The following SPOCK3 variants were observed in gnomAD, a reference collection of about 807,000 sequenced individuals.
SPOCK3 encodes SPARC (osteonectin), cwcv and kazal like domains proteoglycan 3.
A neutral mutation model predicts 56.6 loss-of-function variants in SPOCK3; 30 were observed. That is an observed-to-expected ratio of 0.53 (90% CI 0.40 to 0.72). SPOCK3 has a LOEUF of 0.72. Among genes scored for constraint, SPOCK3 ranks in the 30% least tolerant of loss-of-function variants. The pLI is 0.00. For missense variants in SPOCK3, 527 were observed against 530.0 expected (o/e 0.99, Z 0.06); for synonymous variants, 196 against 183.3 (o/e 1.07, Z -0.56).
rs1374429115 is a variant in SPOCK3 at position 166,898,218 on chromosome 4, TTTTC to T, written c.475-8978_475-8975del. On this transcript the variant is annotated intron_variant, in intron 5 of 10. Coordinates refer to ENST00000357545, the MANE Select transcript of SPOCK3 (RefSeq NM_001040159.2). ...CTCCCTAAAAAAGAAAAAAAAATATTTTTCATGTCTGGACAGTAGGTTTGGCTCA... is the reference window on the plus strand; with the variant it reads ...CTCCCTAAAAAAGAAAAAAAAATATTATGTCTGGACAGTAGGTTTGGCTCA... Among the ~76,000 whole-genome samples, 19 of 151,994 alleles carry T rather than the reference TTTTC, an allele frequency of 1.3e-4. 1 individual carries two copies. The highest frequency in any genetic ancestry group is 4.3e-4 in the African/African-American group (18 of 41,460).
chr4:166,878,355 A>G (rs574198930), intron 6 of SPOCK3, among the ~76,000 whole-genome samples: 1 of 152,264 alleles, frequency 6.6e-6, no homozygotes, highest in South Asian at 2.1e-4. Flanking sequence ...ACTTGTTGGC[A>G]TCTCAGAATG....
At chr4:167,057,065 C>A (rs1469039205) in intron 3 of SPOCK3, among the ~76,000 whole-genome samples, 1 of 152,076 alleles carries the variant, frequency 6.6e-6, no homozygotes, top group Non-Finnish European at 1.5e-5. Flanking sequence ...AAAGGGAAGC[C>A]CATCAGACTA....
intron 3 of SPOCK3, among the ~76,000 whole-genome samples, chr4:167,004,739 A>C (rs1749298802): frequency 6.6e-6 from 1 of 152,154 alleles, no homozygotes; most frequent in Non-Finnish European, 1.5e-5. Context: ...AGAAGGGGGA[A>C]ATTGGTCGAA....
chr4:166,906,589 G>A (rs1007614047), intron 5 of SPOCK3, among the ~76,000 whole-genome samples: 4 of 150,452 alleles, frequency 2.7e-5, no homozygotes, highest in African/African-American at 9.8e-5. Flanking sequence ...AGACACAGAA[G>A]ATTGTTTTCT....
intron 6 of SPOCK3, among the ~76,000 whole-genome samples, chr4:166,797,267 C>A (rs1381456353): frequency 8.3e-6 from 1 of 120,922 alleles, no homozygotes; most frequent in African/African-American, 3.1e-5. Context: ...GAAGGAGTCT[C>A]ACTCTGTCCT....
chr4:166,771,599 A>G (rs1039132481), intron 7 of SPOCK3, among the ~76,000 whole-genome samples: 4 of 152,034 alleles, frequency 2.6e-5, no homozygotes, highest in Admixed American at 2.0e-4. Flanking sequence ...TATGAATTTC[A>G]TTTATTTTTA....
intron 4 of SPOCK3, among the ~76,000 whole-genome samples, chr4:166,983,334 C>T (rs921585869): frequency 1.3e-5 from 2 of 152,034 alleles, no homozygotes; most frequent in East Asian, 3.9e-4. Context: ...TATCTTCACT[C>T]CTCCCAATCT....
chr4:167,132,964 A>T (rs139997157), intron 2 of SPOCK3, among the ~76,000 whole-genome samples: 6 of 152,288 alleles, frequency 3.9e-5, no homozygotes, highest in Admixed American at 3.9e-4. Flanking sequence ...GAGGGATTTG[A>T]CATGGATGTA....
At chr4:167,106,267 G>T (rs1760134272) in intron 2 of SPOCK3, among the ~76,000 whole-genome samples, 1 of 151,732 alleles carries the variant, frequency 6.6e-6, no homozygotes, top group African/African-American at 2.4e-5. Flanking sequence ...CCAAAAAAAT[G>T]AAATAATATC....
At chr4:167,112,637 T>G (rs1174239393) in intron 2 of SPOCK3, among the ~76,000 whole-genome samples, 3 of 152,084 alleles carry the variant, frequency 2.0e-5, no homozygotes. Flanking sequence ...ATTACTGCTT[T>G]AAAATTGTTC....
At position 167,190,223 on chromosome 4, in the gene SPOCK3, T is replaced by C. The variant is rs370948155; in HGVS notation, c.189+43762A>G. On this transcript the variant is annotated intron_variant, in intron 2 of 10. Transcript: ENST00000357545. ...CTACTTGCCATGATGGCTGTATTAA[T>C]TTCCAGTTCCACCAACAGTGTATAA... is the stretch of plus-strand genomic sequence containing the variant. Among the ~76,000 whole-genome samples the C allele has an allele frequency of 6.5e-4, 95 of 146,240 alleles. 17 individuals carry two copies. The highest frequency in any genetic ancestry group is 2.3e-3 in the African/African-American group (87 of 38,510).
intron 4 of SPOCK3, among the ~76,000 whole-genome samples, chr4:166,997,763 T>G (rs1012048233): frequency 1.3e-5 from 2 of 152,162 alleles, no homozygotes; most frequent in African/African-American, 4.8e-5. Context: ...ATATATTGTA[T>G]TGGGAAGAGG....
rs7695294 is a variant in SPOCK3, at chr4:166,734,652, C to T, written c.*269G>A. Reference sequence around the variant, plus strand: ...TTACAAAGTTTGTTCTCGTGAAAAACTTATTATAGTAGCACTTCAAAACTT... The same window carrying T: ...TTACAAAGTTTGTTCTCGTGAAAAATTTATTATAGTAGCACTTCAAAACTT... On this transcript the variant is annotated 3_prime_UTR_variant, in exon 11 of 11. Transcript: ENST00000357545. 0.39 allele frequency: 110,763 copies of T among 283,568 alleles called. 21,958 individuals are homozygous for T. Among genetic ancestry groups the T allele is most frequent in the Admixed American group, 0.47 (9,136 of 19,426 alleles). The allele number at this position is 283,568 out of a possible 1,614,324, so 17.6% of individuals were successfully genotyped here. A position where few individuals can be genotyped will look rare whatever the true frequency, so the allele number is the denominator to read the frequency against.
intron 6 of SPOCK3, among the ~76,000 whole-genome samples, chr4:166,886,272 A>G (rs1421933263): frequency 6.6e-6 from 1 of 152,118 alleles, no homozygotes; most frequent in Non-Finnish European, 1.5e-5. Context: ...TTTATTTGCA[A>G]TTGAACAGTA....
intron 9 of SPOCK3, among the ~76,000 whole-genome samples, chr4:166,741,250 A>G (rs1024875953): frequency 3.3e-5 from 5 of 152,214 alleles, no homozygotes; most frequent in Non-Finnish European, 5.9e-5. Context: ...TAATAGGATT[A>G]TAGCAATGCT....
chr4:166,911,237 C>A (rs1333584192), intron 5 of SPOCK3, among the ~76,000 whole-genome samples: 1 of 101,074 alleles, frequency 9.9e-6, no homozygotes, highest in African/African-American at 3.9e-5. Flanking sequence ...CAGTACTTGG[C>A]ACCTAGTGTG....
chr4:166,805,678 C>T (rs1743087261), intron 6 of SPOCK3, among the ~76,000 whole-genome samples: 1 of 152,012 alleles, frequency 6.6e-6, no homozygotes, highest in Non-Finnish European at 1.5e-5. Flanking sequence ...CCTGCTATTA[C>T]AATCAATTCT....
At chr4:167,044,927 C>T (rs1419159207) in intron 3 of SPOCK3, among the ~76,000 whole-genome samples, 1 of 152,058 alleles carries the variant, frequency 6.6e-6, no homozygotes. Flanking sequence ...TCAATTTTAT[C>T]TGTTTCATTG....
At chr4:166,985,545 T>G (rs1221288327) in intron 4 of SPOCK3, among the ~76,000 whole-genome samples, 3 of 152,148 alleles carry the variant, frequency 2.0e-5, no homozygotes, top group Admixed American at 2.0e-4. Context: ...GTCCTCAATG[T>G]TAGAATTTCT....
Sources: gnomAD v4.1 joint callset for allele counts (sites outside exome capture counted in the v4.1 genomes callset) on GRCh38, gnomAD v4.1.1 for gene constraint, MANE v1.5 for transcripts, NCBI Gene and HGNC (gene_info 2026-07-23, HGNC 2026-07-21) for gene names.